ERLEC1: variants seen among roughly 807,000 people sequenced by gnomAD.
ERLEC1 encodes endoplasmic reticulum lectin 1.
ERLEC1 carries 47 observed loss-of-function variants against 68.0 expected under a neutral mutation model. That is an observed-to-expected ratio of 0.69 (90% CI 0.55 to 0.88). The LOEUF is 0.88. Among genes scored for constraint, ERLEC1 ranks in the 40% least tolerant of loss-of-function variants. ERLEC1 has a pLI of 0.00. For missense variants in ERLEC1, 567 were observed against 583.8 expected, an observed-to-expected ratio of 0.97 and a Z score of 0.30; for synonymous variants, 225 against 203.2, an observed-to-expected ratio of 1.11 and a Z score of -0.91.
At position 53,801,786 on chromosome 2, in the gene ERLEC1, A is replaced by G. The variant is rs769639216; in HGVS notation, c.823A>G (p.Arg275Gly). Residue 275 changes from arginine to glycine, a missense_variant, in exon 8 of 14, where the codon AGG (arginine) becomes GGG (glycine). By Grantham distance (125) the Arg-to-Gly change is moderately radical. Coordinates refer to ENST00000185150, the MANE Select transcript of ERLEC1 (RefSeq NM_015701.5). ...ATCTCCATTTAAGCCCCTCACCCTG[A>G]GGCAGCTGGAGCAGCAGGAAGAAAT... ...PGSPFKPLTL[R>G]QLEQQEEILR... is the part of the protein sequence containing the mutation. 1 of 1,613,946 alleles carries G rather than the reference A, an allele frequency of 6.2e-7. No individual in the cohort carries two copies. Among genetic ancestry groups the G allele is most frequent in the Non-Finnish European group, 8.5e-7 (1 of 1,179,850 alleles).
intron 8 of ERLEC1, among the ~76,000 whole-genome samples, chr2:53,803,457 T>C (rs1676109770): frequency 6.6e-6 from 1 of 152,198 alleles, no homozygotes; most frequent in Non-Finnish European, 1.5e-5. Context: ...GATGCCAGTT[T>C]ACTTCTCTTT....
At chr2:53,808,212 C>A in intron 8 of ERLEC1, 87 bp from the exon 9 acceptor site, 1 of 1,397,756 alleles carries the variant, frequency 7.2e-7, no homozygotes, top group Non-Finnish European at 9.7e-7. Flanking sequence ...AAATTTTCTG[C>A]AGTTTAAAAA....
In ERLEC1 at chr2:53,818,277, A is replaced by G. The variant is rs1677005075; in HGVS notation, c.*308A>G. The G allele has an allele frequency of 9.6e-6, 2 of 207,950 alleles. No homozygotes were observed. Among genetic ancestry groups the G allele is most frequent in the African/African-American group, 2.3e-5 (1 of 43,770 alleles). The allele number at this position is 207,950 out of a possible 1,614,324, so 12.9% of individuals were successfully genotyped here. A position where few individuals can be genotyped will look rare whatever the true frequency, so the allele number is the denominator to read the frequency against. ...TTAGAGTCCAGCCTAATCAAATGTC[A>G]TAATTGTTGTACCTATTGAAAGTTT... is the stretch of plus-strand genomic sequence containing the variant. On this transcript the variant is annotated 3_prime_UTR_variant, in exon 14 of 14. Transcript: ENST00000185150.
intron 11 of ERLEC1, among the ~76,000 whole-genome samples, chr2:53,813,564 T>C (rs1312421947): frequency 6.6e-6 from 1 of 152,230 alleles, no homozygotes; most frequent in Non-Finnish European, 1.5e-5. Flanking sequence ...TTTTAGGATA[T>C]ATGAGTATAC....
In ERLEC1 at chr2:53,808,471, A is replaced by T. The variant is rs1194781524; in HGVS notation, c.1041+11A>T. ...TACTGCTTTCGTGGGGTGAGAAGTA[A>T]ATCTTCAGTTTAAATATTTATTTTA... On this transcript the variant is annotated intron_variant, in intron 9 of 13. Transcript: ENST00000185150. The T allele has an allele frequency of 6.2e-7, 1 of 1,612,250 alleles. No individual in the cohort carries two copies. Among genetic ancestry groups the T allele is most frequent in the South Asian group, 1.1e-5 (1 of 90,834 alleles).
At chr2:53,790,197 G>A (rs1476601648) in intron 1 of ERLEC1, among the ~76,000 whole-genome samples, 3 of 151,622 alleles carry the variant, frequency 2.0e-5, no homozygotes, top group Non-Finnish European at 4.4e-5. Context: ...GGGTTCAAGC[G>A]ATTCTTGTTG....
chr2:53,801,888 A>T (rs1294097437), intron 8 of ERLEC1, 46 bp downstream of exon 8: 9 of 1,514,822 alleles, frequency 5.9e-6, no homozygotes, highest in Non-Finnish European at 7.3e-6. Flanking sequence ...TCATTTTTAA[A>T]ATTTCAGAGC....
Position 53,787,122 on chromosome 2 carries a change from G to GCCC in ERLEC1, c.-87_-86insCCC. The GCCC allele has an allele frequency of 7.4e-7, 1 of 1,359,798 alleles. No individual in the cohort carries two copies. The highest frequency in any genetic ancestry group is 9.6e-7 in the Non-Finnish European group (1 of 1,042,448). 84.2% of individuals were successfully genotyped at this position (1,359,798 alleles called of 1,614,324 possible). ...TGATACCCGGGCGCTTTATAGTCCC[G>GCCC]CCGCCTCCTCCTCCACCTCCTCCTC... On this transcript the variant is annotated 5_prime_UTR_variant, in exon 1 of 14. Coordinates refer to ENST00000185150, the MANE Select transcript of ERLEC1 (RefSeq NM_015701.5).
intron 8 of ERLEC1, among the ~76,000 whole-genome samples, chr2:53,805,721 C>T (rs1301355507): frequency 1.3e-5 from 2 of 152,166 alleles, no homozygotes; most frequent in Non-Finnish European, 2.9e-5. Flanking sequence ...GAGAAAGCTC[C>T]AGACTGTTCT....
At chr2:53,791,967 A>G (rs1176498921) in intron 1 of ERLEC1, among the ~76,000 whole-genome samples, 1 of 148,942 alleles carries the variant, frequency 6.7e-6, no homozygotes, top group Non-Finnish European at 1.5e-5. Flanking sequence ...GCTAGAGTGC[A>G]GTGGCGAGGT....
At chr2:53,804,822 C>T (rs1340646710) in intron 8 of ERLEC1, among the ~76,000 whole-genome samples, 2 of 152,102 alleles carry the variant, frequency 1.3e-5, no homozygotes, top group African/African-American at 4.8e-5. Context: ...CCTTCCCAGC[C>T]TATAGTAACC....
rs752646034 is a variant in ERLEC1 at position 53,787,107 on chromosome 2, G to C, written c.-104G>C. 6 of 1,372,494 alleles carry C rather than the reference G, an allele frequency of 4.4e-6. No homozygotes were observed. In the African/African-American group the frequency reaches 8.8e-5, roughly 20 times the overall value. 85.0% of individuals were successfully genotyped at this position (1,372,494 alleles called of 1,614,324 possible). ...CGGCGGTTGGGCCGGTGATACCCGG[G>C]CGCTTTATAGTCCCGCCGCCTCCTC... On this transcript the variant is annotated 5_prime_UTR_variant, in exon 1 of 14. Coordinates refer to ENST00000185150, the MANE Select transcript of ERLEC1 (RefSeq NM_015701.5).
chr2:53,809,097 A>T (rs987577180), intron 9 of ERLEC1, 117 bp from the exon 10 acceptor site: 19 of 704,572 alleles, frequency 2.7e-5, no homozygotes, highest in African/African-American at 5.7e-5. Flanking sequence ...TTAATATTCA[A>T]CCATACTATT....
At chr2:53,812,478 A>G (rs982976377) in intron 10 of ERLEC1, among the ~76,000 whole-genome samples, 1 of 152,230 alleles carries the variant, frequency 6.6e-6, no homozygotes, top group Non-Finnish European at 1.5e-5. Flanking sequence ...AGATCAGTAT[A>G]ACATTGCGTA....
chr2:53,794,346 C>T lies in ERLEC1; in HGVS notation c.164C>T (p.Pro55Leu). The T allele has an allele frequency of 6.8e-7, 1 of 1,465,396 alleles. No individual in the cohort carries two copies. Among genetic ancestry groups the T allele is most frequent in the Non-Finnish European group, 9.3e-7 (1 of 1,073,192 alleles). The allele number at this position is 1,465,396 out of a possible 1,614,324, so 90.8% of individuals were successfully genotyped here. A position where few individuals can be genotyped will look rare whatever the true frequency, so the allele number is the denominator to read the frequency against. Residue 55 changes from proline (P) to leucine (L), a missense_variant and splice_region_variant, in exon 2 of 14, where the codon CCC (proline) becomes CTC (leucine). Transcript: ENST00000185150. Reference protein sequence around the residue: ...VNWPGTEFSLPTTGVLYKEDN... With the variant: ...VNWPGTEFSLLTTGVLYKEDN... ...GTATGTTTTTTCTTCTATTTGCAGC[C>T]CACAACTGGAGTTTTATATAAAGAA...
At chr2:53,798,108 T>C (rs1170008721) in intron 5 of ERLEC1, among the ~76,000 whole-genome samples, 1 of 151,946 alleles carries the variant, frequency 6.6e-6, no homozygotes, top group Non-Finnish European at 1.5e-5. Flanking sequence ...GGCAGGAGCA[T>C]GGCATGAACA....
chr2:53,792,107 G>A (rs1011437428), intron 1 of ERLEC1, among the ~76,000 whole-genome samples: 10 of 151,852 alleles, frequency 6.6e-5, no homozygotes, highest in African/African-American at 9.7e-5. Context: ...GTAGAGACAG[G>A]GTTTCACCGT....
At chr2:53,788,469 C>CA (rs1026196216) in intron 1 of ERLEC1, 4 of 152,128 alleles carry the variant, frequency 2.6e-5, no homozygotes, top group Non-Finnish European at 5.9e-5. Flanking sequence ...GTGGTACGGT[C>CA]ACCACTGGCT....
At position 53,818,261 on chromosome 2, in the gene ERLEC1, AG is replaced by A. The variant is rs544661940; in HGVS notation, c.*293del. 2.8e-3 allele frequency: 644 copies of A among 232,010 alleles called. 2 individuals carry two copies. Among genetic ancestry groups the A allele is most frequent in the Non-Finnish European group, 3.7e-3 (441 of 117,858 alleles). The allele number at this position is 232,010 out of a possible 1,614,324, so 14.4% of individuals were successfully genotyped here. A position where few individuals can be genotyped will look rare whatever the true frequency, so the allele number is the denominator to read the frequency against. On this transcript the variant is annotated 3_prime_UTR_variant, in exon 14 of 14. Coordinates refer to ENST00000185150, the MANE Select transcript of ERLEC1 (RefSeq NM_015701.5). ...ATCTCATCCAAGCAAGTTAGAGTCCAGCCTAATCAAATGTCATAATTGTTGT... is the reference window on the plus strand; with the variant it reads ...ATCTCATCCAAGCAAGTTAGAGTCCACCTAATCAAATGTCATAATTGTTGT...
Sources: allele counts gnomAD v4.1 joint callset (sites outside exome capture counted in the v4.1 genomes callset), GRCh38; gene constraint gnomAD v4.1.1; transcripts MANE v1.5; gene names NCBI Gene and HGNC (gene_info 2026-07-23, HGNC 2026-07-21).